MARCHF5: variants seen among roughly 807,000 people sequenced by gnomAD.
The protein encoded by MARCHF5 is membrane associated ring-CH-type finger 5, also known as E3 ubiquitin-protein ligase MARCHF5.
A neutral mutation model predicts 36.5 loss-of-function variants in MARCHF5; 5 were observed. The observed-to-expected ratio is 0.14, with a 90% CI of 0.07 to 0.29. The LOEUF (loss-of-function observed/expected upper bound fraction) is 0.29, where lower values mean the gene tolerates loss of function less well. MARCHF5 is among the 10% of genes least tolerant of loss of function. The probability of loss-of-function intolerance (pLI) is 1.00; values close to 1 mark genes in which losing one functional copy is unlikely to be tolerated. For synonymous variants in MARCHF5, 103 were observed against 109.9 expected (o/e 0.94, Z 0.39); for missense variants, 179 against 336.3 (o/e 0.53, Z 3.66).
chr10:92,297,431 A>G (rs532814381), intron 1 of MARCHF5, among the ~76,000 whole-genome samples: 2 of 151,274 alleles, frequency 1.3e-5, no homozygotes, highest in East Asian at 1.9e-4. Flanking sequence ...CGGCCTCCCA[A>G]AGCTCCCAAA....
At position 92,292,081 on chromosome 10, in the gene MARCHF5, A is replaced by T. The variant is rs1842881661; in HGVS notation, c.35+552A>T. ...TGTAAGGTCAGAGTATCCGCAAGGGAGATTTAACGGTCAGACCAGAGTAGA... is the reference window on the plus strand; with the variant it reads ...TGTAAGGTCAGAGTATCCGCAAGGGTGATTTAACGGTCAGACCAGAGTAGA... On this transcript the variant is annotated intron_variant, in intron 1 of 5. Coordinates refer to ENST00000358935, the MANE Select transcript of MARCHF5 (RefSeq NM_017824.5). Among the ~76,000 whole-genome samples the T allele has an allele frequency of 2.5e-5, 3 of 118,628 alleles. No individual in the cohort carries two copies. The South Asian group carries it at 8.4e-4, about 33-fold the overall frequency. The allele number at this position is 118,628 out of a possible 152,430, so 77.8% of individuals were successfully genotyped here. A position where few individuals can be genotyped will look rare whatever the true frequency, so the allele number is the denominator to read the frequency against.
At chr10:92,334,355 G>A (rs1843477554) in intron 2 of MARCHF5, 2 of 152,302 alleles carry the variant, frequency 1.3e-5, no homozygotes, top group East Asian at 1.9e-4. Context: ...GGAACTTATC[G>A]TCTCAGAAAC....
intron 2 of MARCHF5, among the ~76,000 whole-genome samples, chr10:92,323,799 C>T (rs1323594111): frequency 6.6e-6 from 1 of 152,156 alleles, no homozygotes; most frequent in Non-Finnish European, 1.5e-5. Context: ...TTTATCCATT[C>T]ATGTACTGAA....
intron 1 of MARCHF5, among the ~76,000 whole-genome samples, chr10:92,297,717 C>T (rs1842964096): frequency 6.6e-6 from 1 of 150,740 alleles, no homozygotes; most frequent in Non-Finnish European, 1.5e-5. Context: ...GGTTCAAACT[C>T]CCGACCTCGT....
intron 1 of MARCHF5, among the ~76,000 whole-genome samples, chr10:92,305,439 T>A (rs904836026): frequency 2.7e-5 from 4 of 150,888 alleles, no homozygotes; most frequent in Non-Finnish European, 4.4e-5. Flanking sequence ...AAAGGAAAAA[T>A]CAGAAAAAAG....
chr10:92,340,761 C>G lies in MARCHF5; in HGVS notation c.327C>G (p.Ile109Met), dbSNP rs1323219761. The G allele has an allele frequency of 6.2e-7, 1 of 1,613,570 alleles. No homozygotes were observed. Among genetic ancestry groups the G allele is most frequent in the Non-Finnish European group, 8.5e-7 (1 of 1,179,810 alleles). ...CAGCAGGAATAATGGTCGGCTCTAT[C>G]TATTGGACAGCTGTGACTTATGGAG... is the stretch of plus-strand genomic sequence containing the variant. ...FAAAGIMVGS[I>M]YWTAVTYGAV... Residue 109 changes from isoleucine to methionine, a missense_variant, in exon 3 of 6, where the codon ATC (isoleucine) becomes ATG (methionine). Transcript: ENST00000358935.
intron 3 of MARCHF5, among the ~76,000 whole-genome samples, chr10:92,344,797 G>C (rs567238062): frequency 2.0e-5 from 3 of 152,232 alleles, no homozygotes; most frequent in East Asian, 3.9e-4. Flanking sequence ...AACTTGAATA[G>C]GACCTTCCTC....
intron 1 of MARCHF5, among the ~76,000 whole-genome samples, chr10:92,302,740 G>A (rs928654726): frequency 8.5e-5 from 13 of 152,198 alleles, no homozygotes; most frequent in African/African-American, 2.4e-4. Flanking sequence ...CACCGTGCCC[G>A]GCCTAACATG....
intron 2 of MARCHF5, among the ~76,000 whole-genome samples, chr10:92,322,530 C>A (rs1843302893): frequency 6.8e-6 from 1 of 146,488 alleles, no homozygotes; most frequent in Non-Finnish European, 1.5e-5. Context: ...ACCTTGACTT[C>A]CTGGGCTCAA....
At position 92,295,410 on chromosome 10, in the gene MARCHF5, T is replaced by TA. The variant is rs200622082; in HGVS notation, c.35+3881_35+3882insA. 7.3e-3 allele frequency among the ~76,000 whole-genome samples: 1,022 copies of TA among 139,326 alleles called. 18 individuals carry two copies. Among genetic ancestry groups the TA allele is most frequent in the East Asian group, 0.012 (57 of 4,864 alleles). The allele number at this position is 139,326 out of a possible 152,430, so 91.4% of individuals were successfully genotyped here. A position where few individuals can be genotyped will look rare whatever the true frequency, so the allele number is the denominator to read the frequency against. On this transcript the variant is annotated intron_variant, in intron 1 of 5. Transcript: ENST00000358935. ...TCTTTTATTTATTTATTTATTTATT[T>TA]TTTATTTTTTTTTTTGAGACAGAGT...
intron 1 of MARCHF5, among the ~76,000 whole-genome samples, chr10:92,304,232 G>A (rs1046983671): frequency 6.6e-6 from 1 of 152,138 alleles, no homozygotes; most frequent in Non-Finnish European, 1.5e-5. Context: ...GAACTTGAAT[G>A]GAAAGCTGAC....
intron 1 of MARCHF5, among the ~76,000 whole-genome samples, chr10:92,294,638 C>G (rs1172419521): frequency 6.6e-6 from 1 of 152,210 alleles, no homozygotes; most frequent in Non-Finnish European, 1.5e-5. Flanking sequence ...CAGAATTTAG[C>G]TCAGATAACT....
At chr10:92,347,523 T>TAGATAGATGATAGATA (rs58664499) in intron 3 of MARCHF5, among the ~76,000 whole-genome samples, 9 of 86,926 alleles carry the variant, frequency 1.0e-4, no homozygotes, top group South Asian at 3.6e-4. Flanking sequence ...GATAGATAGA[T>TAGATAGATGATAGATA]GATAGATATA....
Position 92,352,634 on chromosome 10 carries a change from G to A in MARCHF5, c.*1427G>A, listed in dbSNP as rs980655400. The A allele has an allele frequency of 1.3e-5, 2 of 152,296 alleles. No individual in the cohort carries two copies. Among genetic ancestry groups the A allele is most frequent in the Admixed American group, 1.3e-4 (2 of 15,266 alleles). 9.4% of individuals were successfully genotyped at this position (152,296 alleles called of 1,614,324 possible). On this transcript the variant is annotated 3_prime_UTR_variant, in exon 6 of 6. Transcript: ENST00000358935. Reference sequence around the variant, plus strand: ...ACTGATAAGCGGCCACTTTAGGAGTGTAGCAAATATAGATTGAGCTATGTT... The same window carrying A: ...ACTGATAAGCGGCCACTTTAGGAGTATAGCAAATATAGATTGAGCTATGTT...
At chr10:92,322,628 T>A (rs77275074) in intron 2 of MARCHF5, among the ~76,000 whole-genome samples, 3 of 150,930 alleles carry the variant, frequency 2.0e-5, no homozygotes, top group African/African-American at 7.3e-5. Context: ...TTTTTTTTTT[T>A]TATAGTGACA....
chr10:92,310,240 G>A (rs1209360245), intron 1 of MARCHF5, among the ~76,000 whole-genome samples: 1 of 152,138 alleles, frequency 6.6e-6, no homozygotes, highest in Non-Finnish European at 1.5e-5. Flanking sequence ...GCTTTAATTA[G>A]CAGTTGTTTC....
chr10:92,311,111 A>G (rs1843139953), intron 1 of MARCHF5, 24 bp from the exon 2 acceptor site: 2 of 1,597,060 alleles, frequency 1.3e-6, no homozygotes, highest in Admixed American at 1.7e-5. Flanking sequence ...TATAAATGTC[A>G]TCCTTTTCTC....
At chr10:92,314,415 G>T (rs560158364) in intron 2 of MARCHF5, among the ~76,000 whole-genome samples, 7 of 152,186 alleles carry the variant, frequency 4.6e-5, no homozygotes, top group Non-Finnish European at 8.8e-5. Context: ...GCCAAGGCAG[G>T]CGGATCACCT....
At chr10:92,315,501 C>G (rs1843199443) in intron 2 of MARCHF5, among the ~76,000 whole-genome samples, 1 of 152,156 alleles carries the variant, frequency 6.6e-6, no homozygotes, top group Non-Finnish European at 1.5e-5. Flanking sequence ...GGTTGGTTTA[C>G]TGGAGTTGTT....
Sources: gnomAD v4.1 joint callset for allele counts (sites outside exome capture counted in the v4.1 genomes callset) on GRCh38, gnomAD v4.1.1 for gene constraint, MANE v1.5 for transcripts, NCBI Gene and HGNC (gene_info 2026-07-23, HGNC 2026-07-21) for gene names.